Variants in AFF3 observed in about 807,000 individuals in gnomAD.
AFF3 encodes ALF transcription elongation factor 3.
Under a neutral mutation model 129.7 loss-of-function variants are expected in AFF3, and 32 were observed. That is an observed-to-expected ratio of 0.25 (90% confidence interval 0.19 to 0.33). The LOEUF (loss-of-function observed/expected upper bound fraction) is 0.33, where lower values mean the gene tolerates loss of function less well. AFF3 is among the 10% of genes least tolerant of loss of function. AFF3 has a pLI of 1.00. For missense variants in AFF3, 1,373 were observed against 1,592.0 expected, an observed-to-expected ratio of 0.86 and a Z score of 2.34; for synonymous variants, 644 against 635.4, an observed-to-expected ratio of 1.01 and a Z score of -0.20.
At chr2:99,809,344 G>A (rs996071628) in intron 8 of AFF3, among the ~76,000 whole-genome samples, 49 of 152,348 alleles carry the variant, frequency 3.2e-4, no homozygotes, top group African/African-American at 9.1e-4. Context: ...AGCCCTCAAC[G>A]CGGGGGGCTG....
chr2:99,893,774 C>T (rs1236803778), intron 7 of AFF3, among the ~76,000 whole-genome samples: 4 of 152,198 alleles, frequency 2.6e-5, no homozygotes, highest in Non-Finnish European at 5.9e-5. Context: ...AGGGGCTAGA[C>T]ACAGAAACTT....
chr2:99,668,837 C>T (rs1178617188), intron 12 of AFF3, among the ~76,000 whole-genome samples: 5 of 152,204 alleles, frequency 3.3e-5, no homozygotes, highest in African/African-American at 1.2e-4. Flanking sequence ...GCTGGGATTA[C>T]AGGCCTGAGC....
At chr2:99,578,472 A>G in intron 17 of AFF3, 21 bp from the exon 18 acceptor site, 1 of 1,606,464 alleles carries the variant, frequency 6.2e-7, no homozygotes, top group East Asian at 2.2e-5. Context: ...AACAACACAC[A>G]TCTTTGAGAA....
At chr2:99,830,165 A>G (rs1379653298) in intron 8 of AFF3, among the ~76,000 whole-genome samples, 10 of 152,162 alleles carry the variant, frequency 6.6e-5, no homozygotes, top group South Asian at 2.1e-4. Flanking sequence ...ACAAATACCT[A>G]GTGCATGCAG....
intron 11 of AFF3, among the ~76,000 whole-genome samples, chr2:99,679,076 T>G (rs1674283853): frequency 6.6e-6 from 1 of 152,196 alleles, no homozygotes; most frequent in Admixed American, 6.5e-5. Flanking sequence ...TGAACTCACT[T>G]AGTCTGGAGG....
intron 12 of AFF3, among the ~76,000 whole-genome samples, chr2:99,652,623 T>A (rs1292860192): frequency 6.6e-6 from 1 of 152,098 alleles, no homozygotes; most frequent in Non-Finnish European, 1.5e-5. Context: ...GAGCCGGGGT[T>A]GGAGAGTCCG....
intron 4 of AFF3, among the ~76,000 whole-genome samples, chr2:100,072,855 G>A (rs531704005): frequency 6.6e-6 from 1 of 152,150 alleles, no homozygotes; most frequent in African/African-American, 2.4e-5. Flanking sequence ...CCTCTTTCCT[G>A]CCATCCCTTT....
At chr2:99,710,774 G>A (rs1227487666) in intron 11 of AFF3, among the ~76,000 whole-genome samples, 1 of 152,130 alleles carries the variant, frequency 6.6e-6, no homozygotes, top group Non-Finnish European at 1.5e-5. Flanking sequence ...AAGTGGGGGT[G>A]GAATTCTCTG....
chr2:99,955,230 G>A (rs183509645), intron 7 of AFF3, among the ~76,000 whole-genome samples: 3 of 152,158 alleles, frequency 2.0e-5, no homozygotes, highest in Admixed American at 1.3e-4. Flanking sequence ...ATTCATTACA[G>A]AAACTATCAA....
intron 7 of AFF3, among the ~76,000 whole-genome samples, chr2:99,965,875 T>C (rs978951963): frequency 8.5e-5 from 13 of 152,204 alleles, no homozygotes; most frequent in African/African-American, 3.1e-4. Context: ...TAGTCATATT[T>C]CTGCCAAAAC....
chr2:99,579,297 C>T (rs545010432), intron 17 of AFF3, among the ~76,000 whole-genome samples: 3 of 151,638 alleles, frequency 2.0e-5, no homozygotes, highest in East Asian at 3.9e-4. Flanking sequence ...CCCAGCTACT[C>T]GGGAGGCTGA....
intron 8 of AFF3, among the ~76,000 whole-genome samples, chr2:99,819,980 G>A (rs1687527117): frequency 6.6e-6 from 1 of 152,220 alleles, no homozygotes; most frequent in South Asian, 2.1e-4. Context: ...CTCCATGGAA[G>A]GCAGCACAGC....
chr2:99,879,608 C>T (rs1475432129), intron 7 of AFF3, among the ~76,000 whole-genome samples: 1 of 152,156 alleles, frequency 6.6e-6, no homozygotes, highest in African/African-American at 2.4e-5. Context: ...TCCAAGTCAA[C>T]AGGGTATAAA....
intron 4 of AFF3, among the ~76,000 whole-genome samples, chr2:100,009,218 G>A (rs573038848): frequency 8.5e-5 from 13 of 152,278 alleles, no homozygotes; most frequent in African/African-American, 3.1e-4. Context: ...GGAGAAGACT[G>A]AAAGTAATCT....
At chr2:99,896,738 C>A (rs1235688649) in intron 7 of AFF3, among the ~76,000 whole-genome samples, 1 of 141,700 alleles carries the variant, frequency 7.1e-6, no homozygotes, top group Non-Finnish European at 1.5e-5. Flanking sequence ...CAGGTTCAAG[C>A]GATTCTCCTC....
rs371381239 is a variant in AFF3, at chr2:99,583,016, C to A, written c.2592-17G>T. 5.0e-6 allele frequency: 8 copies of A among 1,609,878 alleles called. No individual in the cohort carries two copies. Among genetic ancestry groups the A allele is most frequent in the Admixed American group, 1.7e-5 (1 of 59,980 alleles). On this transcript the variant is annotated splice_polypyrimidine_tract_variant and intron_variant, in intron 16 of 24. Coordinates refer to ENST00000672756, the MANE Select transcript of AFF3 (RefSeq NM_001386135.1). ...ATTGCCACACTGAAAAAGGAAATTA[C>A]GGTAATGGAATGTTACAGAGTCAGC...
intron 7 of AFF3, among the ~76,000 whole-genome samples, chr2:99,850,852 A>C (rs2105868421): frequency 6.6e-6 from 1 of 152,362 alleles, no homozygotes; most frequent in African/African-American, 2.4e-5. Flanking sequence ...TCATTATAGC[A>C]GCTAACAAAT....
intron 2 of AFF3, among the ~76,000 whole-genome samples, chr2:100,107,943 T>C (rs936364872): frequency 2.0e-5 from 3 of 151,150 alleles, no homozygotes; most frequent in Admixed American, 6.6e-5. Flanking sequence ...GTGGGATTTT[T>C]TTTCTCTCTT....
intron 4 of AFF3, among the ~76,000 whole-genome samples, chr2:100,036,134 T>TAAA (rs59136725): frequency 7.5e-4 from 48 of 64,328 alleles, no homozygotes; most frequent in African/African-American, 3.0e-3. Flanking sequence ...AATACAGTGC[T>TAAA]AAAAAAAAAA....
Sources: gnomAD v4.1 joint callset for allele counts (sites outside exome capture counted in the v4.1 genomes callset) on GRCh38, gnomAD v4.1.1 for gene constraint, MANE v1.5 for transcripts, NCBI Gene and HGNC (gene_info 2026-07-23, HGNC 2026-07-21) for gene names.